The following FER variants were observed in gnomAD, a reference collection of about 807,000 sequenced individuals.
FER encodes FER tyrosine kinase.
Under a neutral mutation model 111.0 loss-of-function variants are expected in FER, and 63 were observed. The observed-to-expected ratio is 0.57, with a 90% CI of 0.46 to 0.70. The LOEUF is 0.70. Ranked by LOEUF, FER falls within the 30% of genes least tolerant of loss-of-function variation. FER has a pLI of 0.00. For missense variants in FER, 914 were observed against 954.0 expected (o/e 0.96, Z 0.55); for synonymous variants, 327 against 313.9 (o/e 1.04, Z -0.44).
At chr5:108,881,052 T>G (rs747080968) in intron 8 of FER, among the ~76,000 whole-genome samples, 24 of 152,176 alleles carry the variant, frequency 1.6e-4, no homozygotes, top group Non-Finnish European at 2.9e-4. Flanking sequence ...TTCTTTGGAC[T>G]TAAATCACTC....
At chr5:108,985,826 C>G (rs1230714442) in intron 13 of FER, among the ~76,000 whole-genome samples, 1 of 152,104 alleles carries the variant, frequency 6.6e-6, no homozygotes, top group African/African-American at 2.4e-5. Context: ...ATTTCTTTAT[C>G]CACTCATTGA....
chr5:109,011,659 T>G (rs1766283911), intron 13 of FER, among the ~76,000 whole-genome samples: 1 of 152,168 alleles, frequency 6.6e-6, no homozygotes. Context: ...TTATCTTGCT[T>G]TTATTTTTTT....
intron 16 of FER, among the ~76,000 whole-genome samples, chr5:109,076,436 T>C (rs551429878): frequency 2.6e-5 from 4 of 152,266 alleles, no homozygotes; most frequent in African/African-American, 7.2e-5. Flanking sequence ...TTTCTTTTGT[T>C]TTTTGTGTTT....
chr5:108,772,210 C>CT (rs1368029936), intron 2 of FER, among the ~76,000 whole-genome samples: 3 of 151,804 alleles, frequency 2.0e-5, no homozygotes, highest in African/African-American at 7.3e-5. Context: ...ATACTGTCAC[C>CT]TTGGGGGGTT....
chr5:109,117,498 T>G (rs1044156559), intron 17 of FER, among the ~76,000 whole-genome samples: 8 of 152,192 alleles, frequency 5.3e-5, no homozygotes, highest in African/African-American at 1.9e-4. Context: ...GCCTAAATTT[T>G]TATAATAATT....
intron 5 of FER, among the ~76,000 whole-genome samples, chr5:108,838,033 A>G (rs1207116555): frequency 6.6e-6 from 1 of 152,200 alleles, no homozygotes; most frequent in Non-Finnish European, 1.5e-5. Flanking sequence ...CACTTCACAC[A>G]TGAGAGATAG....
chr5:108,978,490 A>G (rs1456742500), intron 13 of FER, among the ~76,000 whole-genome samples: 2 of 152,194 alleles, frequency 1.3e-5, no homozygotes, highest in African/African-American at 2.4e-5. Context: ...TCTTAACTCT[A>G]CCAGTTCATA....
intron 10 of FER, among the ~76,000 whole-genome samples, chr5:108,931,714 C>T (rs760205606): frequency 6.6e-6 from 1 of 152,058 alleles, no homozygotes; most frequent in East Asian, 1.9e-4. Context: ...CCTGTAATCC[C>T]AGCTACTTGG....
At chr5:108,988,336 C>T (rs1352778349) in intron 13 of FER, among the ~76,000 whole-genome samples, 1 of 152,030 alleles carries the variant, frequency 6.6e-6, no homozygotes, top group East Asian at 1.9e-4. Context: ...TTCTCTTTAT[C>T]TTGGAGAATA....
At chr5:109,184,221 T>C (rs1255725122) in intron 18 of FER, among the ~76,000 whole-genome samples, 3 of 152,212 alleles carry the variant, frequency 2.0e-5, no homozygotes, top group Non-Finnish European at 4.4e-5. Context: ...TAATTAGTTA[T>C]ATTAGCATGA....
At chr5:109,147,357 G>C (rs1486928730) in intron 17 of FER, among the ~76,000 whole-genome samples, 3 of 79,800 alleles carry the variant, frequency 3.8e-5, no homozygotes. Flanking sequence ...CAACCCCTTT[G>C]GGCGGTAAGT....
chr5:108,888,377 T>C (rs1230928608), intron 9 of FER, among the ~76,000 whole-genome samples: 1 of 151,816 alleles, frequency 6.6e-6, no homozygotes, highest in East Asian at 1.9e-4. Flanking sequence ...CAACACAAAA[T>C]TAAAATAATT....
At chr5:108,886,245 TG>T (rs1437542732) in intron 9 of FER, among the ~76,000 whole-genome samples, 1 of 151,694 alleles carries the variant, frequency 6.6e-6, no homozygotes, top group East Asian at 1.9e-4. Context: ...ATCTACATAA[TG>T]GGTGTATAAT....
intron 16 of FER, among the ~76,000 whole-genome samples, chr5:109,053,156 T>C (rs1581813467): frequency 1.3e-5 from 2 of 151,722 alleles, no homozygotes; most frequent in African/African-American, 4.8e-5. Context: ...GAGGCCAGGG[T>C]GGGTGGATCA....
intron 17 of FER, among the ~76,000 whole-genome samples, chr5:109,123,157 G>GTTTTTTT (rs747514879): frequency 4.0e-5 from 5 of 124,218 alleles, no homozygotes; most frequent in African/African-American, 9.3e-5. Flanking sequence ...TTCCTGTCTT[G>GTTTTTTT]TTTTTTTTTT....
intron 11 of FER, among the ~76,000 whole-genome samples, chr5:108,946,611 A>T (rs1757021112): frequency 1.3e-5 from 2 of 151,988 alleles, no homozygotes; most frequent in African/African-American, 2.4e-5. Context: ...TATTTTAAAA[A>T]TGTATTTATG....
chr5:108,871,317 C>T lies in FER; in HGVS notation c.666-48C>T, dbSNP rs201969362. On this transcript the variant is annotated intron_variant, in intron 6 of 19. Coordinates refer to ENST00000281092, the MANE Select transcript of FER (RefSeq NM_005246.4). ...CTGAATCCTTTTTGAGATAGTATCTCTCTTGATAAAACTTTAAAATGCTGC... is the reference window on the plus strand; with the variant it reads ...CTGAATCCTTTTTGAGATAGTATCTTTCTTGATAAAACTTTAAAATGCTGC... 7.3e-5 allele frequency: 110 copies of T among 1,496,666 alleles called. 1 individual carries two copies. Among genetic ancestry groups the T allele is most frequent in the Non-Finnish European group, 9.4e-5 (103 of 1,090,478 alleles). 92.7% of individuals were successfully genotyped at this position (1,496,666 alleles called of 1,614,324 possible).
chr5:108,976,691 G>A (rs1761395857), intron 13 of FER, among the ~76,000 whole-genome samples: 1 of 152,120 alleles, frequency 6.6e-6, no homozygotes, highest in Admixed American at 6.6e-5. Context: ...CAATAAGGCA[G>A]AGAAAAGAAA....
intron 5 of FER, among the ~76,000 whole-genome samples, chr5:108,848,745 G>A (rs889364338): frequency 1.3e-5 from 2 of 151,832 alleles, no homozygotes; most frequent in African/African-American, 4.8e-5. Flanking sequence ...ATTTATCCAA[G>A]TACTTATCTT....
Sources: gnomAD v4.1 joint callset for allele counts (sites outside exome capture counted in the v4.1 genomes callset) on GRCh38, gnomAD v4.1.1 for gene constraint, MANE v1.5 for transcripts, NCBI Gene and HGNC (gene_info 2026-07-23, HGNC 2026-07-21) for gene names.